SDK1: variants seen among roughly 807,000 people sequenced by gnomAD.
The protein encoded by SDK1 is sidekick cell adhesion molecule 1, also known as protein sidekick-1.
SDK1 carries 157 observed loss-of-function variants against 245.5 expected under a neutral mutation model. The observed-to-expected ratio is 0.64, with a 90% confidence interval of 0.56 to 0.73. The LOEUF (loss-of-function observed/expected upper bound fraction) is 0.73. Ranked by LOEUF, SDK1 falls within the 30% of genes least tolerant of loss-of-function variation. SDK1 has a pLI of 0.00. For missense variants in SDK1, 3,583 were observed against 3,002.3 expected (o/e 1.19, Z -4.52); for synonymous variants, 1,647 against 1,278.5 (o/e 1.29, Z -6.15).
chr7:3,498,968 T>A (rs563794328), intron 1 of SDK1, among the ~76,000 whole-genome samples: 1 of 152,178 alleles, frequency 6.6e-6, no homozygotes, highest in Non-Finnish European at 1.5e-5. Context: ...GCACTAACTT[T>A]TATTGGTTGA....
intron 4 of SDK1, among the ~76,000 whole-genome samples, chr7:3,717,849 A>C (rs1321099134): frequency 6.6e-6 from 1 of 152,206 alleles, no homozygotes; most frequent in Non-Finnish European, 1.5e-5. Flanking sequence ...AGAAGAATTT[A>C]AATCAGTTTT....
intron 13 of SDK1, among the ~76,000 whole-genome samples, chr7:3,978,083 A>G (rs1268065314): frequency 6.6e-6 from 1 of 151,928 alleles, no homozygotes; most frequent in Non-Finnish European, 1.5e-5. Flanking sequence ...GGTCTCAGAC[A>G]GAGGATTTTT....
At position 4,113,272 on chromosome 7, in the gene SDK1, A is replaced by C. The variant is rs113050866; in HGVS notation, c.3435-17A>C. On this transcript the variant is annotated splice_polypyrimidine_tract_variant and intron_variant, in intron 23 of 44. Transcript: ENST00000404826. ...CCTTTGCTTTGCCGTGACTCTCATCAGTGGTTTTTCCTTTAGATTTCGAAT... is the reference window on the plus strand; with the variant it reads ...CCTTTGCTTTGCCGTGACTCTCATCCGTGGTTTTTCCTTTAGATTTCGAAT... 1 of 1,610,094 alleles carries C rather than the reference A, an allele frequency of 6.2e-7. No homozygotes were observed. The highest frequency in any genetic ancestry group is 8.5e-7 in the Non-Finnish European group (1 of 1,177,960).
intron 13 of SDK1, among the ~76,000 whole-genome samples, chr7:3,984,307 C>T (rs191267595): frequency 4.7e-4 from 71 of 152,272 alleles, no homozygotes; most frequent in African/African-American, 1.7e-3. Flanking sequence ...GTCTGCAAAG[C>T]ACTGCAGCCT....
chr7:4,105,395 C>A (rs1352878034), intron 22 of SDK1, among the ~76,000 whole-genome samples: 3 of 151,906 alleles, frequency 2.0e-5, no homozygotes, highest in Non-Finnish European at 4.4e-5. Flanking sequence ...CATCCTCCAC[C>A]CCCCTGGTTC....
At chr7:3,943,442 C>G (rs1406224590) in intron 5 of SDK1, among the ~76,000 whole-genome samples, 1 of 147,226 alleles carries the variant, frequency 6.8e-6, no homozygotes, top group Non-Finnish European at 1.5e-5. Flanking sequence ...CTTGCATATT[C>G]TGGTCTCCCT....
chr7:3,653,932 C>A (rs1407238261), intron 4 of SDK1, among the ~76,000 whole-genome samples: 1 of 152,130 alleles, frequency 6.6e-6, no homozygotes, highest in Non-Finnish European at 1.5e-5. Context: ...AGAGAATGAG[C>A]AAGAAAGTGG....
chr7:4,037,104 T>C (rs930726487), intron 17 of SDK1, among the ~76,000 whole-genome samples: 3 of 152,232 alleles, frequency 2.0e-5, no homozygotes, highest in African/African-American at 7.2e-5. Context: ...CTTGCAAAAC[T>C]CTTTGGACAG....
intron 1 of SDK1, among the ~76,000 whole-genome samples, chr7:3,615,356 G>A (rs1244867855): frequency 2.6e-5 from 4 of 151,586 alleles, no homozygotes; most frequent in East Asian, 1.9e-4. Context: ...AAGGAAATTG[G>A]ACACATGGCT....
chr7:3,327,977 A>G (rs1165975716), intron 1 of SDK1, among the ~76,000 whole-genome samples: 2 of 152,106 alleles, frequency 1.3e-5, no homozygotes, highest in African/African-American at 2.4e-5. Flanking sequence ...GTAAAAAGGG[A>G]ATGATAGTGC....
At chr7:3,828,673 T>G (rs1779839636) in intron 5 of SDK1, among the ~76,000 whole-genome samples, 1 of 137,442 alleles carries the variant, frequency 7.3e-6, no homozygotes, top group African/African-American at 2.8e-5. Flanking sequence ...TTTGTTTTTT[T>G]GACACAAGGA....
At chr7:3,864,477 G>C (rs1414993371) in intron 5 of SDK1, among the ~76,000 whole-genome samples, 1 of 152,200 alleles carries the variant, frequency 6.6e-6, no homozygotes, top group African/African-American at 2.4e-5. Context: ...GGGTAAAGCA[G>C]ATAGGAAGTT....
chr7:3,334,242 G>A, intron 1 of SDK1, among the ~76,000 whole-genome samples: 1 of 152,186 alleles, frequency 6.6e-6, no homozygotes, highest in East Asian at 1.9e-4. Context: ...AGTATAGCTG[G>A]CTCTTCAAGA....
At chr7:3,406,492 C>A (rs1343463576) in intron 1 of SDK1, among the ~76,000 whole-genome samples, 1 of 152,180 alleles carries the variant, frequency 6.6e-6, no homozygotes, top group Non-Finnish European at 1.5e-5. Flanking sequence ...GTCGGACAGA[C>A]CTTGTTTAAA....
chr7:4,125,141 A>G (rs1403070986), intron 25 of SDK1, among the ~76,000 whole-genome samples: 1 of 133,786 alleles, frequency 7.5e-6, no homozygotes, highest in African/African-American at 2.9e-5. Context: ...GAAAGATGGA[A>G]TGATCGATTT....
chr7:4,237,624 G>A, intron 41 of SDK1, 23 bp from the exon 42 acceptor site: 4 of 1,614,076 alleles, frequency 2.5e-6, no homozygotes, highest in Non-Finnish European at 3.4e-6. Context: ...CCATGTCATT[G>A]TGTGTCCGTG....
intron 5 of SDK1, among the ~76,000 whole-genome samples, chr7:3,906,709 C>T (rs1261842969): frequency 7.0e-6 from 1 of 142,074 alleles, no homozygotes; most frequent in East Asian, 2.0e-4. Context: ...CTCACTGCAA[C>T]CTCTGCCTCC....
At chr7:3,680,201 T>G (rs1784057817) in intron 4 of SDK1, among the ~76,000 whole-genome samples, 1 of 152,152 alleles carries the variant, frequency 6.6e-6, no homozygotes, top group South Asian at 2.1e-4. Flanking sequence ...CTCAAAAGGC[T>G]TTAGACTGTG....
intron 1 of SDK1, among the ~76,000 whole-genome samples, chr7:3,512,603 C>G (rs769010288): frequency 3.9e-4 from 60 of 152,154 alleles, no homozygotes; most frequent in Non-Finnish European, 7.9e-4. Flanking sequence ...CCCATTGCTC[C>G]GCATCCTCTT....
Sources: allele counts gnomAD v4.1 joint callset (sites outside exome capture counted in the v4.1 genomes callset), GRCh38; gene constraint gnomAD v4.1.1; transcripts MANE v1.5; gene names NCBI Gene and HGNC (gene_info 2026-07-23, HGNC 2026-07-21).